The following SAMD4B variants were observed in gnomAD, a reference collection of about 807,000 sequenced individuals.
The protein encoded by SAMD4B is protein Smaug homolog 2.
Under a neutral mutation model 74.5 loss-of-function variants are expected in SAMD4B, and 5 were observed. The observed-to-expected ratio is 0.07, with a 90% CI of 0.04 to 0.14. The LOEUF (loss-of-function observed/expected upper bound fraction) is 0.14, where lower values mean the gene tolerates loss of function less well. SAMD4B is among the 10% of genes least tolerant of loss of function. SAMD4B has a pLI of 1.00. For synonymous variants in SAMD4B, 373 were observed against 374.9 expected (o/e 1.00, Z 0.06); for missense variants, 608 against 921.8 (o/e 0.66, Z 4.41).
chr19:39,359,338 C>T (rs1024018010), intron 3 of SAMD4B, among the ~76,000 whole-genome samples: 3 of 152,178 alleles, frequency 2.0e-5, no homozygotes, highest in Non-Finnish European at 4.4e-5. Context: ...CTTTTGTTTT[C>T]AGAACTTGCA....
At chr19:39,386,451 G>A (rs753047341), downstream of SAMD4B, 39 of 1,614,058 alleles carry the variant, frequency 2.4e-5, no homozygotes, top group Non-Finnish European at 3.3e-5. The surrounding 1 kb of genome is among the most constrained non-coding windows in gnomAD (Gnocchi z 6.1). Context: ...ACCCTCCCAG[G>A]GCTCCCAGAG....
At chr19:39,354,653 TGTTA>T (rs2076243057) in intron 2 of SAMD4B, among the ~76,000 whole-genome samples, 1 of 151,980 alleles carries the variant, frequency 6.6e-6, no homozygotes, top group Non-Finnish European at 1.5e-5. Flanking sequence ...AATGAAATAG[TGTTA>T]ATATAATTGG....
intron 3 of SAMD4B, among the ~76,000 whole-genome samples, chr19:39,357,363 G>A (rs144245908): frequency 6.6e-6 from 1 of 152,266 alleles, no homozygotes; most frequent in East Asian, 1.9e-4. Context: ...GCTTATGTGG[G>A]CTGCTGAAAG....
intron 1 of SAMD4B, among the ~76,000 whole-genome samples, chr19:39,346,913 A>G (rs1299826996): frequency 1.3e-5 from 2 of 152,226 alleles, no homozygotes; most frequent in African/African-American, 4.8e-5. Context: ...TACGAGGATT[A>G]AATAAGTTAA....
At chr19:39,382,502 G>A (rs1357587692) in intron 12 of SAMD4B, among the ~76,000 whole-genome samples, 1 of 152,150 alleles carries the variant, frequency 6.6e-6, no homozygotes, top group Non-Finnish European at 1.5e-5. Context: ...GGTTCAGAGG[G>A]AACAGTGATG....
intron 3 of SAMD4B, among the ~76,000 whole-genome samples, chr19:39,365,503 C>G (rs1033306182): frequency 6.6e-6 from 1 of 151,792 alleles, no homozygotes; most frequent in East Asian, 1.9e-4. Flanking sequence ...TGCAGTGAAC[C>G]GAGATCATGC....
At chr19:39,379,862 G>A (rs62119721) in intron 9 of SAMD4B, 104 bp from the exon 10 acceptor site, 15,938 of 983,276 alleles carry the variant, frequency 0.016, 161 homozygotes, top group Non-Finnish European at 0.02. Context: ...GAGCCACCAC[G>A]CCCGGCCAGG....
At chr19:39,386,413 A>C (rs749878618), downstream of SAMD4B, 5 of 1,613,716 alleles carry the variant, frequency 3.1e-6, no homozygotes, top group African/African-American at 2.7e-5. This position sits in a 1 kb window ranked among gnomAD's most constrained non-coding sequence, Gnocchi z 6.1. Context: ...TCTGGAAGGG[A>C]GTGGAGAGAG....
chr19:39,376,012 G>C, intron 5 of SAMD4B, 123 bp downstream of exon 5: 1 of 1,281,646 alleles, frequency 7.8e-7, no homozygotes. Flanking sequence ...TCTGAGGGGA[G>C]TAGATAGTCC....
At chr19:39,385,949 T>C, downstream of SAMD4B, 1 of 1,608,320 alleles carries the variant, frequency 6.2e-7, no homozygotes, top group Non-Finnish European at 8.5e-7. Flanking sequence ...GCTTTGCTGC[T>C]CACAATAATG....
intron 1 of SAMD4B, among the ~76,000 whole-genome samples, chr19:39,343,991 C>CA (rs111928210): frequency 0.067 from 6,438 of 95,886 alleles, 461 homozygotes; most frequent in African/African-American, 0.16. Context: ...GACCCCCCCC[C>CA]CCCACACACA....
rs2078183279 is a variant in SAMD4B at position 39,384,486 on chromosome 19, AG to A, written c.*963del. The A allele has an allele frequency of 1.3e-5, 2 of 152,658 alleles. No individual in the cohort carries two copies. The highest frequency in any genetic ancestry group is 4.8e-5 in the African/African-American group (2 of 41,448). 9.5% of individuals were successfully genotyped at this position (152,658 alleles called of 1,614,324 possible). On this transcript the variant is annotated 3_prime_UTR_variant, in exon 14 of 14. Transcript: ENST00000610417. Reference sequence around the variant, plus strand: ...GACTTGGGAGTCAGGAATAAGGGAAAGGGGATTGTTTGGTTTTTGGGTTTTT... The same window carrying A: ...GACTTGGGAGTCAGGAATAAGGGAAAGGGATTGTTTGGTTTTTGGGTTTTT...
downstream of SAMD4B, chr19:39,386,865 C>T (rs137971697): frequency 1.8e-5 from 19 of 1,082,050 alleles, no homozygotes; most frequent in African/African-American, 3.1e-5. This position sits in a 1 kb window ranked among gnomAD's most constrained non-coding sequence, Gnocchi z 6.1. Context: ...CCCACTTCCC[C>T]GCCCCCCAGT....
At chr19:39,362,069 C>T (rs2145524343) in intron 3 of SAMD4B, among the ~76,000 whole-genome samples, 1 of 152,314 alleles carries the variant, frequency 6.6e-6, no homozygotes, top group South Asian at 2.1e-4. Context: ...AGTACTTCCT[C>T]CAGTTCTCCA....
intron 1 of SAMD4B, among the ~76,000 whole-genome samples, chr19:39,352,771 A>G (rs2076123825): frequency 6.6e-6 from 1 of 152,072 alleles, no homozygotes; most frequent in Admixed American, 6.6e-5. Context: ...GAGGGGGGGA[A>G]CAGTGCTGTT....
chr19:39,386,336 C>T (rs1600604903), downstream of SAMD4B: 4 of 1,614,224 alleles, frequency 2.5e-6, no homozygotes, highest in South Asian at 1.1e-5. The surrounding 1 kb of genome is among the most constrained non-coding windows in gnomAD (Gnocchi z 6.1). Context: ...CCCGTTCACT[C>T]TCGCTGCCCG....
chr19:39,388,541 T>C (rs776916791), downstream of SAMD4B: 5 of 1,613,768 alleles, frequency 3.1e-6, no homozygotes, highest in South Asian at 4.4e-5. Context: ...TCCCCAAAAC[T>C]TAACCGCAAC....
At chr19:39,344,539 C>T (rs1044073688) in intron 1 of SAMD4B, among the ~76,000 whole-genome samples, 1 of 152,220 alleles carries the variant, frequency 6.6e-6, no homozygotes, top group Non-Finnish European at 1.5e-5. Context: ...GATTCCACTT[C>T]TGACATCCCC....
rs1274580106 is a variant in SAMD4B, at chr19:39,370,068, C to T, written c.610C>T (p.His204Tyr). 5 of 1,610,998 alleles carry T rather than the reference C, an allele frequency of 3.1e-6. No homozygotes were observed. The Admixed American group carries it at 8.4e-5, about 27-fold the overall frequency. ...PPRENGHVPF[H>Y]PSSSVPPAIN... is the part of the protein sequence containing the mutation. ...CCGGGAAAATGGACACGTGCCCTTC[C>T]ACCCATCCAGCTCAGTGCCGCCAGC... The change falls in exon 4 of 14, where the codon CAC (histidine) becomes TAC (tyrosine). Residue 204 changes from histidine (H) to tyrosine (Y), a missense_variant. Transcript: ENST00000610417.
Sources: gnomAD v4.1 joint callset for allele counts (sites outside exome capture counted in the v4.1 genomes callset) on GRCh38, gnomAD v4.1.1 for gene constraint, Gnocchi (gnomAD v3.1) non-coding constraint, MANE v1.5 for transcripts, NCBI Gene and HGNC (gene_info 2026-07-23, HGNC 2026-07-21) for gene names.